Variants in DNAH12 observed in about 807,000 individuals in gnomAD.
The protein encoded by DNAH12 is axonemal beta dynein heavy chain 12.
A neutral mutation model predicts 371.5 loss-of-function variants in DNAH12; 285 were observed. The ratio of observed to expected loss-of-function variants is 0.77; its 90% CI spans 0.70 to 0.85. The LOEUF (loss-of-function observed/expected upper bound fraction) is 0.85, where lower values mean the gene tolerates loss of function less well. DNAH12 is among the 40% of genes least tolerant of loss of function. DNAH12 has a pLI of 0.00. For missense variants in DNAH12, 3,611 were observed against 3,689.4 expected (o/e 0.98, Z 0.55); for synonymous variants, 1,200 against 1,213.0 (o/e 0.99, Z 0.22).
chr3:57,381,725 T>C (rs1485607245), intron 50 of DNAH12, among the ~76,000 whole-genome samples: 1 of 152,132 alleles, frequency 6.6e-6, no homozygotes, highest in Non-Finnish European at 1.5e-5. Context: ...TTTGCTATAC[T>C]GCTTAACTCA....
At chr3:57,481,907 T>C (rs2066757567) in intron 13 of DNAH12, among the ~76,000 whole-genome samples, 2 of 152,084 alleles carry the variant, frequency 1.3e-5, no homozygotes, top group South Asian at 4.1e-4. Context: ...TTACACCTCA[T>C]ACAAAAACTA....
chr3:57,334,066 G>C (rs1167402797), intron 62 of DNAH12, among the ~76,000 whole-genome samples: 1 of 152,136 alleles, frequency 6.6e-6, no homozygotes, highest in African/African-American at 2.4e-5. Context: ...AAATGGGAAA[G>C]GGATTTGTAG....
chr3:57,404,679 C>T (rs1306060042), intron 42 of DNAH12, among the ~76,000 whole-genome samples: 1 of 152,022 alleles, frequency 6.6e-6, no homozygotes, highest in African/African-American at 2.4e-5. Flanking sequence ...GAGATAGTGC[C>T]ATTGCACTCC....
chr3:57,489,172 A>G lies in DNAH12; in HGVS notation c.1514+337T>C, dbSNP rs561627757. 2.4e-4 allele frequency among the ~76,000 whole-genome samples: 36 copies of G among 152,290 alleles called. 2 individuals are homozygous for G. The South Asian group carries it at 5.8e-3, about 25-fold the overall frequency. ...ATGAGAAAAATAAGCTCGGTGATACAATAAGTAAATATTGAGGTCAGGGAT... is the reference window on the plus strand; with the variant it reads ...ATGAGAAAAATAAGCTCGGTGATACGATAAGTAAATATTGAGGTCAGGGAT... On this transcript the variant is annotated intron_variant, in intron 12 of 73. Coordinates refer to ENST00000495027, the MANE Select transcript of DNAH12 (RefSeq NM_001366028.2).
chr3:57,302,567 A>ATATATATATATATATTTTTT (rs2061380979), intron 69 of DNAH12, among the ~76,000 whole-genome samples: 2 of 27,480 alleles, frequency 7.3e-5, no homozygotes, highest in Admixed American at 7.2e-4. Context: ...ATATATATGT[A>ATATATATATATATATTTTTT]TTTTTTTTTT....
chr3:57,531,762 C>A (rs543202287), intron 2 of DNAH12, among the ~76,000 whole-genome samples: 23 of 103,164 alleles, frequency 2.2e-4, no homozygotes, highest in African/African-American at 9.7e-4. Flanking sequence ...GACTCCACTC[C>A]ATCTCAAAAA....
Position 57,293,903 on chromosome 3 carries a change from C to G in DNAH12, c.11761G>C (p.Gly3921Arg), listed in dbSNP as rs893561702. ...GAATGTCCCGTAGTGGAAAGAGTTC[C>G]TTTACGTTCACTTGTCTTGTAGAGG... ...CPLYKTSERK[G>R]TLSTTGHSTN... Residue 3921 changes from glycine to arginine, a missense_variant, in exon 74 of 74, where the codon GGA (glycine) becomes CGA (arginine). Gly to Arg is a moderately radical substitution (Grantham distance 125). Around this residue, in one of 3 missense-constraint regions of DNAH12, gnomAD observed 2,266 missense variants for 2,236.9 expected, o/e 1.01. Transcript: ENST00000495027. The G allele has an allele frequency of 9.7e-6, 15 of 1,540,324 alleles. No individual in the cohort carries two copies. In the East Asian group the frequency reaches 3.4e-4, roughly 35 times the overall value.
At chr3:57,512,824 A>G (rs2068046385) in intron 4 of DNAH12, among the ~76,000 whole-genome samples, 1 of 152,176 alleles carries the variant, frequency 6.6e-6, no homozygotes, top group Non-Finnish European at 1.5e-5. Flanking sequence ...AATGCCCATC[A>G]ATGATAGACT....
chr3:57,426,282 T>A (rs2064765317), intron 34 of DNAH12, among the ~76,000 whole-genome samples: 1 of 152,124 alleles, frequency 6.6e-6, no homozygotes, highest in South Asian at 2.1e-4. Context: ...TATTAAGGAT[T>A]TAATTACAAG....
At chr3:57,380,405 A>G (rs2063364428) in intron 50 of DNAH12, 38 bp from the exon 51 acceptor site, 1 of 152,220 alleles carries the variant, frequency 6.6e-6, no homozygotes, top group African/African-American at 2.4e-5. Flanking sequence ...TAAATTTGCA[A>G]CTAAAAATGC....
chr3:57,413,811 T>C lies in DNAH12; in HGVS notation c.5955A>G (p.Ala1985=), dbSNP rs1553683771. The part of the protein sequence containing the change: ...IIFIDDMNMP[A]LEKYGAQPPI... Reference sequence around the variant, plus strand: ...GTGGTTGAGCTCCATACTTCTCCAATGCAGGCATATTCATATCATCTATAA... The same window carrying C: ...GTGGTTGAGCTCCATACTTCTCCAACGCAGGCATATTCATATCATCTATAA... Residue 1985 remains alanine (A), a synonymous_variant, in exon 39 of 74, where the codon GCA becomes GCG. Coordinates refer to ENST00000495027, the MANE Select transcript of DNAH12 (RefSeq NM_001366028.2). 19 of 1,551,188 alleles carry C rather than the reference T, an allele frequency of 1.2e-5. No homozygotes were observed. Among genetic ancestry groups the C allele is most frequent in the Non-Finnish European group, 1.7e-5 (19 of 1,146,790 alleles).
chr3:57,456,814 T>C (rs1002499580), intron 22 of DNAH12, among the ~76,000 whole-genome samples: 2 of 152,112 alleles, frequency 1.3e-5, no homozygotes, highest in African/African-American at 4.8e-5. Flanking sequence ...TCACCCAGAG[T>C]AAATGCCACC....
chr3:57,526,744 C>T (rs1559752771), intron 2 of DNAH12, among the ~76,000 whole-genome samples: 1 of 151,812 alleles, frequency 6.6e-6, no homozygotes, highest in Non-Finnish European at 1.5e-5. Context: ...AGGATGGTCT[C>T]GATTTCCTGA....
upstream of DNAH12, among the ~76,000 whole-genome samples, chr3:57,546,794 T>C (rs554861339): frequency 1.2e-3 from 185 of 152,240 alleles, no homozygotes; most frequent in Non-Finnish European, 2.1e-3. Context: ...CCCTGGTCAA[T>C]TGACATTGAT....
intron 60 of DNAH12, among the ~76,000 whole-genome samples, chr3:57,345,215 A>G (rs2062509966): frequency 1.3e-5 from 2 of 152,312 alleles, no homozygotes; most frequent in South Asian, 4.1e-4. Flanking sequence ...GTGGGTAACC[A>G]TGCTGCAGAC....
chr3:57,529,606 T>C (rs1161617879), intron 2 of DNAH12, among the ~76,000 whole-genome samples: 1 of 152,224 alleles, frequency 6.6e-6, no homozygotes, highest in Non-Finnish European at 1.5e-5. Flanking sequence ...TCTGATTTTA[T>C]TTATTTGGAT....
intron 34 of DNAH12, among the ~76,000 whole-genome samples, chr3:57,425,385 C>G (rs1004906066): frequency 6.6e-6 from 1 of 151,252 alleles, no homozygotes; most frequent in Non-Finnish European, 1.5e-5. Context: ...GTAGTTAGGA[C>G]TATAGGTGAG....
intron 9 of DNAH12, 24 bp downstream of exon 9, chr3:57,503,992 T>C: frequency 6.3e-7 from 1 of 1,586,192 alleles, no homozygotes; most frequent in Non-Finnish European, 8.6e-7. Context: ...TAAAATTCTT[T>C]CCCGATGGGT....
intron 42 of DNAH12, 32 bp downstream of exon 42, chr3:57,404,937 C>CA: frequency 7.0e-7 from 1 of 1,435,530 alleles, no homozygotes; most frequent in South Asian, 1.6e-5. Flanking sequence ...TTACAGATAG[C>CA]AATTTCAAGC....
Sources: allele counts gnomAD v4.1 joint callset (sites outside exome capture counted in the v4.1 genomes callset), GRCh38; gene constraint gnomAD v4.1.1; regional missense constraint gnomAD v4.1.1; transcripts MANE v1.5; gene names NCBI Gene and HGNC (gene_info 2026-07-23, HGNC 2026-07-21).